PNO1: variants seen among roughly 807,000 people sequenced by gnomAD.
The protein encoded by PNO1 is RNA-binding protein PNO1.
Under a neutral mutation model 28.4 loss-of-function variants are expected in PNO1, and 16 were observed. The observed-to-expected ratio is 0.56, with a 90% CI of 0.38 to 0.85. PNO1 has a LOEUF of 0.85. Ranked by LOEUF, PNO1 falls within the 40% of genes least tolerant of loss-of-function variation. The pLI is 0.00. For synonymous variants in PNO1, 115 were observed against 110.8 expected (o/e 1.04, Z -0.24); for missense variants, 304 against 312.2 (o/e 0.97, Z 0.20).
In PNO1 at chr2:68,162,301, C is replaced by G. The variant is rs985115413; in HGVS notation, c.478C>G (p.Leu160Val). ...LALIRLDDLF[L>V]ESFEITDVKP... ...CCTCATCAGGTTGGATGACCTCTTC[C>G]TAGAGTCTTTTGAAATTACAGATGG... The change falls in exon 4 of 7, where the codon CTA becomes GTA. Residue 160 changes from leucine to valine, a missense_variant. Leu to Val is a conservative substitution (Grantham distance 32). Transcript: ENST00000263657. 1.9e-6 allele frequency: 3 copies of G among 1,613,162 alleles called. No individual in the cohort carries two copies. The highest frequency in any genetic ancestry group is 2.2e-5 in the South Asian group (2 of 91,024).
intron 5 of PNO1, among the ~76,000 whole-genome samples, chr2:68,163,089 T>C (rs775570794): frequency 2.6e-5 from 4 of 152,218 alleles, no homozygotes; most frequent in Admixed American, 6.5e-5. Context: ...CCGTGTTAAG[T>C]TGGGAATCAT....
At chr2:68,173,728 G>A (rs992020692) in intron 6 of PNO1, among the ~76,000 whole-genome samples, 15 of 151,688 alleles carry the variant, frequency 9.9e-5, no homozygotes, top group African/African-American at 3.6e-4. Context: ...GACTAAAGAC[G>A]CCTGCCACCT....
chr2:68,161,405 G>A (rs1558618241), intron 2 of PNO1: 1 of 453,630 alleles, frequency 2.2e-6, no homozygotes, highest in Non-Finnish European at 4.3e-6. Context: ...TGTGCCAGAG[G>A]AGTCTTGCTG....
intron 5 of PNO1, among the ~76,000 whole-genome samples, chr2:68,165,350 C>T (rs1558619931): frequency 8.7e-6 from 1 of 115,406 alleles, no homozygotes; most frequent in Non-Finnish European, 1.7e-5. Context: ...GGCGACAGAG[C>T]GAGACTCCGT....
chr2:68,161,677 T>TA lies in PNO1; in HGVS notation c.358-4dup, dbSNP rs895098589. ...GTATTTTGTACCCTTTTTTGTTTTTTAACAGACTTGTAAAGAAACCAAGGA... is the reference window on the plus strand; with the variant it reads ...GTATTTTGTACCCTTTTTTGTTTTTTAAACAGACTTGTAAAGAAACCAAGGA... On this transcript the variant is annotated splice_polypyrimidine_tract_variant and splice_region_variant and intron_variant, in intron 2 of 6. Transcript: ENST00000263657. 6.3e-7 allele frequency: 1 copy of TA among 1,592,828 alleles called. No homozygotes were observed. The highest frequency in any genetic ancestry group is 1.3e-5 in the African/African-American group (1 of 74,476).
intron 5 of PNO1, among the ~76,000 whole-genome samples, chr2:68,172,916 C>A (rs1674167665): frequency 6.6e-6 from 1 of 152,100 alleles, no homozygotes; most frequent in Non-Finnish European, 1.5e-5. Context: ...GGATACAATT[C>A]ATATACCATA....
intron 5 of PNO1, among the ~76,000 whole-genome samples, chr2:68,163,252 T>C (rs1336943543): frequency 1.3e-5 from 2 of 152,050 alleles, no homozygotes; most frequent in African/African-American, 2.4e-5. Flanking sequence ...ATATCTCGGG[T>C]TGGGCACAGT....
At chr2:68,161,840 TAA>T (rs113134222) in intron 3 of PNO1, 74 bp downstream of exon 3, 1,826 of 802,996 alleles carry the variant, frequency 2.3e-3, no homozygotes, top group Non-Finnish European at 2.4e-3. Context: ...GATTAGGCAT[TAA>T]AAAAAAAAAA....
At chr2:68,162,024 A>G (rs1673844259) in intron 3 of PNO1, among the ~76,000 whole-genome samples, 1 of 152,124 alleles carries the variant, frequency 6.6e-6, no homozygotes, top group South Asian at 2.1e-4. Flanking sequence ...CTGCAGTCCC[A>G]GCTACTTGGG....
At chr2:68,161,863 A>C in intron 3 of PNO1, 97 bp downstream of exon 3, 1 of 788,504 alleles carries the variant, frequency 1.3e-6, no homozygotes, top group South Asian at 1.5e-5. Flanking sequence ...GGCCAGGCAC[A>C]GTGGCTCACA....
At chr2:68,162,912 A>G (rs1673874626) in intron 5 of PNO1, among the ~76,000 whole-genome samples, 1 of 152,250 alleles carries the variant, frequency 6.6e-6, no homozygotes. Flanking sequence ...ATTAGCCTGC[A>G]GTTGGGCAAA....
At chr2:68,165,738 G>C (rs2103679963) in intron 5 of PNO1, among the ~76,000 whole-genome samples, 1 of 152,102 alleles carries the variant, frequency 6.6e-6, no homozygotes, top group South Asian at 2.1e-4. Context: ...AAATTATATA[G>C]TCTGTCATTA....
At chr2:68,161,838 A>AT in intron 3 of PNO1, 72 bp downstream of exon 3, 3 of 1,020,004 alleles carry the variant, frequency 2.9e-6, no homozygotes, top group Middle Eastern at 2.1e-4. Context: ...TGGATTAGGC[A>AT]TTAAAAAAAA....
intron 5 of PNO1, among the ~76,000 whole-genome samples, chr2:68,164,520 G>A (rs1480999397): frequency 6.6e-6 from 1 of 152,058 alleles, no homozygotes; most frequent in Non-Finnish European, 1.5e-5. Flanking sequence ...CATATAGTCT[G>A]GGCGCAGTGG....
chr2:68,171,949 AG>A, intron 5 of PNO1, among the ~76,000 whole-genome samples: 1 of 152,148 alleles, frequency 6.6e-6, no homozygotes, highest in East Asian at 1.9e-4. Flanking sequence ...AAAGTGGTGA[AG>A]GGAGAGTTGG....
chr2:68,161,559 A>G lies in PNO1; in HGVS notation c.358-124A>G, dbSNP rs75064910. 2.0e-3 allele frequency: 1,336 copies of G among 671,620 alleles called. 12 individuals are homozygous for G. In the African/African-American group the frequency reaches 0.021, roughly 10 times the overall value. 41.6% of individuals were successfully genotyped at this position (671,620 alleles called of 1,614,324 possible). On this transcript the variant is annotated intron_variant, in intron 2 of 6. Coordinates refer to ENST00000263657, the MANE Select transcript of PNO1 (RefSeq NM_020143.4). ...CCAGAACCTGTGTCATACAGAATAT[A>G]TTAGGGAAAGGTGGTGGTGAAGGAA...
chr2:68,165,862 ATTGTT>A (rs1427851504), intron 5 of PNO1, among the ~76,000 whole-genome samples: 2 of 152,186 alleles, frequency 1.3e-5, no homozygotes, highest in Non-Finnish European at 2.9e-5. Context: ...ATAAAATTCT[ATTGTT>A]TTAAGTATCC....
At chr2:68,161,242 G>A (rs1673820565) in intron 2 of PNO1, 1 of 471,340 alleles carries the variant, frequency 2.1e-6, no homozygotes, top group South Asian at 1.5e-5. Context: ...GCCTGGAGCT[G>A]TTGGTTTAAG....
chr2:68,162,232 AG>A (rs1396378829), intron 3 of PNO1, 32 bp from the exon 4 acceptor site: 2 of 1,540,400 alleles, frequency 1.3e-6, no homozygotes, highest in African/African-American at 2.7e-5. Context: ...TGCAAATGGA[AG>A]GGGCTTCACG....
Sources: gnomAD v4.1 joint callset for allele counts (sites outside exome capture counted in the v4.1 genomes callset) on GRCh38, gnomAD v4.1.1 for gene constraint, MANE v1.5 for transcripts, NCBI Gene and HGNC (gene_info 2026-07-23, HGNC 2026-07-21) for gene names.